The following AOAH variants were observed in gnomAD, a reference collection of about 807,000 sequenced individuals.
AOAH encodes the protein acyloxyacyl hydrolase.
In AOAH, 64 loss-of-function variants were observed where a neutral mutation model predicts 92.2. The ratio of observed to expected loss-of-function variants is 0.69; its 90% CI spans 0.57 to 0.86. The LOEUF (loss-of-function observed/expected upper bound fraction) is 0.86, where lower values mean the gene tolerates loss of function less well. AOAH is among the 40% of genes least tolerant of loss of function. The pLI is 0.00. For missense variants in AOAH, 656 were observed against 694.6 expected (o/e 0.94, Z 0.62); for synonymous variants, 263 against 254.5 (o/e 1.03, Z -0.32).
At chr7:36,718,961 T>G (rs1003138502) in intron 1 of AOAH, among the ~76,000 whole-genome samples, 1 of 152,214 alleles carries the variant, frequency 6.6e-6, no homozygotes, top group Non-Finnish European at 1.5e-5. Context: ...ATAAAGCTGT[T>G]ATTTAAAACA....
At chr7:36,556,281 T>C (rs946421020) in intron 13 of AOAH, among the ~76,000 whole-genome samples, 3 of 152,214 alleles carry the variant, frequency 2.0e-5, no homozygotes, top group African/African-American at 7.2e-5. Context: ...AGTTTCCATG[T>C]AGTTGAGCGG....
At position 36,678,581 on chromosome 7, in the gene AOAH, G is replaced by GTT. The variant is rs1562687945; in HGVS notation, c.224-4573_224-4572insAA. Among the ~76,000 whole-genome samples the GTT allele has an allele frequency of 3.6e-4, 46 of 126,124 alleles. 1 individual carries two copies. The highest frequency in any genetic ancestry group is 1.6e-3 in the African/African-American group (39 of 25,126). 82.7% of individuals were successfully genotyped at this position (126,124 alleles called of 152,430 possible). On this transcript the variant is annotated intron_variant, in intron 2 of 20. Coordinates refer to ENST00000617537, the MANE Select transcript of AOAH (RefSeq NM_001637.4). ...TGTGTGTGTGTGTGTGTGTGTGTGT[G>GTT]TGTGTGTGTGTGTGTGTGTGCGCGC...
intron 12 of AOAH, among the ~76,000 whole-genome samples, chr7:36,579,142 A>C (rs1788736783): frequency 6.6e-6 from 1 of 151,044 alleles, no homozygotes; most frequent in African/African-American, 2.4e-5. Flanking sequence ...AATCACCTCA[A>C]ATTTTTCATA....
chr7:36,634,413 G>A (rs547609888), intron 5 of AOAH, among the ~76,000 whole-genome samples: 5 of 152,180 alleles, frequency 3.3e-5, no homozygotes, highest in East Asian at 1.9e-4. Context: ...TCTAATTACC[G>A]GTGCATGCAG....
intron 1 of AOAH, among the ~76,000 whole-genome samples, chr7:36,701,556 T>G (rs1225187057): frequency 6.6e-6 from 1 of 151,510 alleles, no homozygotes; most frequent in Non-Finnish European, 1.5e-5. Context: ...TATACCTTTT[T>G]GTTTTGGGGA....
chr7:36,603,285 C>T (rs527467015), intron 11 of AOAH, among the ~76,000 whole-genome samples: 5 of 152,274 alleles, frequency 3.3e-5, no homozygotes, highest in South Asian at 2.1e-4. Context: ...CTCCCACCCC[C>T]GTCAACAATC....
chr7:36,638,378 GT>G (rs1793669344), intron 4 of AOAH, among the ~76,000 whole-genome samples: 2 of 152,328 alleles, frequency 1.3e-5, no homozygotes, highest in East Asian at 3.9e-4. Context: ...ATGGCTGATT[GT>G]TGCTGTGCAA....
intron 5 of AOAH, among the ~76,000 whole-genome samples, chr7:36,632,344 A>G (rs1274212411): frequency 6.6e-6 from 1 of 152,104 alleles, no homozygotes; most frequent in African/African-American, 2.4e-5. Flanking sequence ...TCTTCCAGCC[A>G]GCTCTTCCCA....
chr7:36,621,710 C>T lies in AOAH; in HGVS notation c.653G>A (p.Arg218Lys). 6.2e-7 allele frequency: 1 copy of T among 1,614,004 alleles called. No individual in the cohort carries two copies. The highest frequency in any genetic ancestry group is 8.5e-7 in the Non-Finnish European group (1 of 1,179,922). Residue 218 changes from arginine to lysine, a missense_variant and splice_region_variant, in exon 8 of 21, where the codon AGG becomes AAG. Coordinates refer to ENST00000617537, the MANE Select transcript of AOAH (RefSeq NM_001637.4). Reference sequence around the variant, plus strand: ...ATCAGCAACCAGCAGAAATAGTTACCTTCTACCTGGGTACACTGACTCGTC... The same window carrying T: ...ATCAGCAACCAGCAGAAATAGTTACTTTCTACCTGGGTACACTGACTCGTC... ...DSDESVYPGR[R>K]PNNWDVHQDS...
intron 11 of AOAH, among the ~76,000 whole-genome samples, chr7:36,608,287 G>C (rs1193511522): frequency 6.6e-6 from 1 of 152,184 alleles, no homozygotes; most frequent in East Asian, 1.9e-4. Context: ...GAGCCCCACT[G>C]TCCCTCTGAC....
At chr7:36,633,668 T>C (rs1328039679) in intron 5 of AOAH, among the ~76,000 whole-genome samples, 1 of 152,036 alleles carries the variant, frequency 6.6e-6, no homozygotes, top group East Asian at 1.9e-4. Flanking sequence ...AGTGCAGCAC[T>C]ACATGTTACC....
chr7:36,606,327 G>A (rs984064539), intron 11 of AOAH, among the ~76,000 whole-genome samples: 2 of 152,158 alleles, frequency 1.3e-5, no homozygotes, highest in Admixed American at 6.5e-5. Flanking sequence ...GAGAAATGAA[G>A]TGCATATAAG....
chr7:36,701,632 C>T (rs1166605207), intron 1 of AOAH, among the ~76,000 whole-genome samples: 2 of 151,666 alleles, frequency 1.3e-5, no homozygotes, highest in Admixed American at 6.6e-5. Context: ...CTTACAGTTA[C>T]TATTTTTATG....
At chr7:36,592,806 G>A (rs2392455) in intron 12 of AOAH, among the ~76,000 whole-genome samples, 44,721 of 152,038 alleles carry the variant, frequency 0.29, 7,702 homozygotes, top group Non-Finnish European at 0.39. Context: ...CTTCTCAAAG[G>A]TTACTTCTTA....
Position 36,627,591 on chromosome 7 carries a change from A to G in AOAH, c.522-4341T>C, listed in dbSNP as rs114710998. On this transcript the variant is annotated intron_variant, in intron 6 of 20. Coordinates refer to ENST00000617537, the MANE Select transcript of AOAH (RefSeq NM_001637.4). ...CACATGAGCTCTTACTTCATGTGCAATGGGAACCCTGATTGCAAGGATGGC... is the reference window on the plus strand; with the variant it reads ...CACATGAGCTCTTACTTCATGTGCAGTGGGAACCCTGATTGCAAGGATGGC... Among the ~76,000 whole-genome samples the G allele has an allele frequency of 6.2e-3, 949 of 152,002 alleles. 13 individuals carry two copies. Among genetic ancestry groups the G allele is most frequent in the African/African-American group, 0.021 (880 of 41,454 alleles).
At chr7:36,669,760 GT>G (rs1795795399) in intron 3 of AOAH, among the ~76,000 whole-genome samples, 1 of 152,148 alleles carries the variant, frequency 6.6e-6, no homozygotes, top group African/African-American at 2.4e-5. Context: ...TATCAATTCT[GT>G]TTTGCATTTT....
chr7:36,609,435 G>T (rs1276887381), intron 11 of AOAH, among the ~76,000 whole-genome samples: 1 of 152,066 alleles, frequency 6.6e-6, no homozygotes, highest in Non-Finnish European at 1.5e-5. Context: ...AGCCCTTTGA[G>T]ATCTGCCTCC....
At chr7:36,643,063 T>C (rs1051124412) in intron 4 of AOAH, among the ~76,000 whole-genome samples, 1 of 152,236 alleles carries the variant, frequency 6.6e-6, no homozygotes, top group Non-Finnish European at 1.5e-5. Context: ...TGTTTTTATT[T>C]TGGTTTGTAA....
At chr7:36,544,458 G>A (rs1285225286) in intron 15 of AOAH, among the ~76,000 whole-genome samples, 5 of 152,028 alleles carry the variant, frequency 3.3e-5, no homozygotes, top group African/African-American at 9.7e-5. Flanking sequence ...CTGCCACCCC[G>A]GATTTGTCTG....
Sources: allele counts gnomAD v4.1 joint callset (sites outside exome capture counted in the v4.1 genomes callset), GRCh38; gene constraint gnomAD v4.1.1; transcripts MANE v1.5; gene names NCBI Gene and HGNC (gene_info 2026-07-23, HGNC 2026-07-21).